PREX1: variants seen among roughly 807,000 people sequenced by gnomAD.
PREX1 encodes the protein phosphatidylinositol-3,4,5-trisphosphate dependent Rac exchange factor 1.
Under a neutral mutation model 198.3 loss-of-function variants are expected in PREX1, and 41 were observed. The ratio of observed to expected loss-of-function variants is 0.21; its 90% CI spans 0.16 to 0.27. The LOEUF is 0.27. Ranked by LOEUF, PREX1 falls within the 10% of genes least tolerant of loss-of-function variation. The pLI, the probability that PREX1 is intolerant of heterozygous loss-of-function variation, is 1.00. For missense variants in PREX1, 1,620 were observed against 2,200.7 expected (o/e 0.74, Z 5.28); for synonymous variants, 843 against 887.2 (o/e 0.95, Z 0.89).
intron 1 of PREX1, among the ~76,000 whole-genome samples, chr20:48,785,778 C>T (rs1601134951): frequency 6.6e-6 from 1 of 152,146 alleles, no homozygotes; most frequent in Non-Finnish European, 1.5e-5. Flanking sequence ...TGATCCAAGG[C>T]ATCAGCAGGA....
chr20:48,847,053 G>T, the PREX1 span, among the ~76,000 whole-genome samples: 1 of 152,210 alleles, frequency 6.6e-6, no homozygotes, highest in South Asian at 2.1e-4. Flanking sequence ...TAGGTTCAGC[G>T]GTGGGTGGAA....
chr20:48,702,405 C>T (rs961018424), intron 6 of PREX1, among the ~76,000 whole-genome samples: 13 of 152,164 alleles, frequency 8.5e-5, no homozygotes, highest in Admixed American at 2.0e-4. Flanking sequence ...GCAGCCCCTC[C>T]GCTGACCCTC....
At chr20:48,729,527 G>C (rs1376309647) in intron 4 of PREX1, among the ~76,000 whole-genome samples, 1 of 152,040 alleles carries the variant, frequency 6.6e-6, no homozygotes, top group Non-Finnish European at 1.5e-5. Flanking sequence ...CATCCAAAAG[G>C]GAATGTTTAT....
chr20:48,633,239 G>A (rs1027788313), intron 33 of PREX1, among the ~76,000 whole-genome samples: 1 of 152,194 alleles, frequency 6.6e-6, no homozygotes, highest in Non-Finnish European at 1.5e-5. Context: ...AAGAGAACCT[G>A]CCCTTCATCT....
rs371924410 is a variant in PREX1 at position 48,739,130 on chromosome 20, ACTCT to A, written c.415-4484_415-4481del. Among the ~76,000 whole-genome samples the A allele has an allele frequency of 5.0e-4, 76 of 151,700 alleles. 1 individual carries two copies. The highest frequency in any genetic ancestry group is 1.8e-3 in the African/African-American group (75 of 41,328). On this transcript the variant is annotated intron_variant, in intron 3 of 39. Coordinates refer to ENST00000371941, the MANE Select transcript of PREX1 (RefSeq NM_020820.4). ...CCTGCCCCCACTATGACACCCTCAA[ACTCT>A]CTCTATCACTCACTCTGCTCTGGCC...
chr20:48,629,561 G>T lies in PREX1; in HGVS notation c.4654C>A (p.Pro1552Thr). 1 of 1,614,152 alleles carries T rather than the reference G, an allele frequency of 6.2e-7. No individual in the cohort carries two copies. The highest frequency in any genetic ancestry group is 1.1e-5 in the South Asian group (1 of 91,086). ...ACACTCCCAGCAGCACCAGGCTTTG[G>T]GTGGACAAAGGACTTCATGAGGCGG... ...LCRLMKSFVH[P>T]KPGAAGSVGA... Residue 1552 changes from proline to threonine, a missense_variant, in exon 37 of 40, where the codon CCA (proline) becomes ACA (threonine). This residue lies in a region of PREX1 where 476 missense variants were observed against 603.4 expected (regional missense o/e 0.79). Transcript: ENST00000371941.
intron 4 of PREX1, among the ~76,000 whole-genome samples, chr20:48,729,116 C>T (rs1008429440): frequency 2.0e-5 from 3 of 151,792 alleles, no homozygotes; most frequent in South Asian, 2.1e-4. Flanking sequence ...CTCATTCTGT[C>T]GCCCAGGCTG....
intron 27 of PREX1, among the ~76,000 whole-genome samples, chr20:48,643,279 G>A (rs2089427807): frequency 6.6e-6 from 1 of 152,184 alleles, no homozygotes; most frequent in Non-Finnish European, 1.5e-5. Context: ...GACCATCCTG[G>A]CCAACATGGT....
intron 4 of PREX1, among the ~76,000 whole-genome samples, chr20:48,729,230 C>T (rs1189557941): frequency 6.6e-6 from 1 of 152,102 alleles, no homozygotes; most frequent in Non-Finnish European, 1.5e-5. Context: ...GTGCACACCA[C>T]CATGCCCAGC....
At chr20:48,741,817 G>A (rs2090083401) in intron 3 of PREX1, among the ~76,000 whole-genome samples, 1 of 152,206 alleles carries the variant, frequency 6.6e-6, no homozygotes, top group Admixed American at 6.5e-5. Flanking sequence ...GGATGTCTGA[G>A]GGAACTGGTC....
chr20:48,796,928 C>A (rs541134812), intron 1 of PREX1, among the ~76,000 whole-genome samples: 119 of 152,014 alleles, frequency 7.8e-4, no homozygotes, highest in African/African-American at 2.6e-3. Context: ...CAAATCAGAA[C>A]AGTGGTTACT....
intron 1 of PREX1, among the ~76,000 whole-genome samples, chr20:48,770,848 C>T (rs1317093926): frequency 6.6e-6 from 1 of 152,176 alleles, no homozygotes; most frequent in Non-Finnish European, 1.5e-5. Context: ...GTCTGAATCA[C>T]CTGGGGCACT....
At position 48,726,305 on chromosome 20, in the gene PREX1, G is replaced by A. The variant is rs2090009793; in HGVS notation, c.606C>T (p.Tyr202=). 1.9e-6 allele frequency: 3 copies of A among 1,613,686 alleles called. No individual in the cohort carries two copies. The highest frequency in any genetic ancestry group is 4.5e-5 in the East Asian group (2 of 44,890). Residue 202 remains tyrosine (Y), a synonymous_variant, in exon 5 of 40, where the codon TAC becomes TAT. Transcript: ENST00000371941. ...LLSPIQRICK[Y]PLLLKELAKR... ...AAAGTCTCACCTTAAGGAGGAGCGG[G>A]TACTTGCAGATCCTCTGGATCGGAG...
chr20:48,752,405 T>C (rs528773634), intron 1 of PREX1, among the ~76,000 whole-genome samples: 2 of 152,350 alleles, frequency 1.3e-5, no homozygotes, highest in South Asian at 4.1e-4. Flanking sequence ...TGTTGATATG[T>C]ACACTGGGCA....
chr20:48,754,898 G>A (rs78310511), intron 1 of PREX1, among the ~76,000 whole-genome samples: 18,831 of 152,068 alleles, frequency 0.12, 1,619 homozygotes, highest in African/African-American at 0.24. Context: ...GCTGCAAGCC[G>A]CCCCACACAG....
rs118169475 is a variant in PREX1, at chr20:48,721,939, G to A, written c.621+4351C>T. Among the ~76,000 whole-genome samples, 192 of 152,208 alleles carry A rather than the reference G, an allele frequency of 1.3e-3. 2 individuals carry two copies. The South Asian group carries it at 0.016, about 12-fold the overall frequency. ...TGGCCTGAGCAACCAGAAGGACAGAGGGGCTGTCTGCTGAGCTGGGGATGG... is the reference window on the plus strand; with the variant it reads ...TGGCCTGAGCAACCAGAAGGACAGAAGGGCTGTCTGCTGAGCTGGGGATGG... On this transcript the variant is annotated intron_variant, in intron 5 of 39. Transcript: ENST00000371941.
rs1568833813 is a variant in PREX1 at position 48,708,242 on chromosome 20, C to G, written c.783+18G>C. ...GGCCCCCTGCGGCCCAGGAAGCCCC[C>G]TCCTGTCCTGTACACACCTCCCAGC... On this transcript the variant is annotated intron_variant, in intron 6 of 39. Coordinates refer to ENST00000371941, the MANE Select transcript of PREX1 (RefSeq NM_020820.4). The G allele has an allele frequency of 6.2e-7, 1 of 1,613,168 alleles. No homozygotes were observed. Among genetic ancestry groups the G allele is most frequent in the African/African-American group, 1.3e-5 (1 of 75,060 alleles).
the PREX1 span, among the ~76,000 whole-genome samples, chr20:48,878,258 A>G: frequency 6.6e-6 from 1 of 152,216 alleles, no homozygotes; most frequent in Non-Finnish European, 1.5e-5. Flanking sequence ...AGCCACAAAA[A>G]GTATACATGC....
At chr20:48,806,574 G>T (rs556593898) in intron 1 of PREX1, among the ~76,000 whole-genome samples, 2 of 152,300 alleles carry the variant, frequency 1.3e-5, no homozygotes, top group African/African-American at 4.8e-5. Context: ...AGAAGGAAGG[G>T]ATTACTATTA....
Sources: gnomAD v4.1 joint callset for allele counts (sites outside exome capture counted in the v4.1 genomes callset) on GRCh38, gnomAD v4.1.1 for gene constraint, gnomAD v4.1.1 regional missense constraint, MANE v1.5 for transcripts, NCBI Gene and HGNC (gene_info 2026-07-23, HGNC 2026-07-21) for gene names.